SCMH1: variants seen among roughly 807,000 people sequenced by gnomAD.
SCMH1 encodes the protein Scm polycomb group protein homolog 1.
Under a neutral mutation model 70.8 loss-of-function variants are expected in SCMH1, and 37 were observed. The observed-to-expected ratio is 0.52, with a 90% CI of 0.40 to 0.69. The LOEUF (loss-of-function observed/expected upper bound fraction) is 0.69. Ranked by LOEUF, SCMH1 falls within the 30% of genes least tolerant of loss-of-function variation. The probability of loss-of-function intolerance (pLI) is 0.00; values close to 1 mark genes in which losing one functional copy is unlikely to be tolerated. For missense variants in SCMH1, 607 were observed against 827.3 expected (o/e 0.73, Z 3.27); for synonymous variants, 292 against 307.4 (o/e 0.95, Z 0.52).
Position 41,028,325 on chromosome 1 carries a change from G to A in SCMH1, c.1822-6C>T, listed in dbSNP as rs1644015634. ...AGGGCCTTGCCATCGATCTCCTGGGGGGTGGGGAGGTGGGCAGAAGTGGAA... is the reference window on the plus strand; with the variant it reads ...AGGGCCTTGCCATCGATCTCCTGGGAGGTGGGGAGGTGGGCAGAAGTGGAA... On this transcript the variant is annotated splice_polypyrimidine_tract_variant and splice_region_variant and intron_variant, in intron 14 of 14. Coordinates refer to ENST00000337495, the Ensembl canonical transcript of SCMH1. 3 of 1,613,740 alleles carry A rather than the reference G, an allele frequency of 1.9e-6. No individual in the cohort carries two copies. Among genetic ancestry groups the A allele is most frequent in the Non-Finnish European group, 2.5e-6 (3 of 1,179,748 alleles).
intron 8 of SCMH1, among the ~76,000 whole-genome samples, chr1:41,084,964 C>A (rs1661169710): frequency 9.2e-6 from 1 of 109,136 alleles, no homozygotes; most frequent in South Asian, 3.2e-4. Context: ...ATATCACACT[C>A]TGGGGACTGT....
At chr1:41,063,514 G>A (rs1381308736) in intron 10 of SCMH1, among the ~76,000 whole-genome samples, 1 of 151,848 alleles carries the variant, frequency 6.6e-6, no homozygotes, top group Non-Finnish European at 1.5e-5. Flanking sequence ...CCAAAAGCTG[G>A]TTTGTTGAAA....
chr1:41,043,549 A>G (rs2148655598), intron 12 of SCMH1: 1 of 150,252 alleles, frequency 6.7e-6, no homozygotes, highest in South Asian at 2.1e-4. Context: ...CAGCCTCCTG[A>G]GTAGCTGGGA....
At chr1:41,071,361 G>C (rs548548874) in intron 9 of SCMH1, among the ~76,000 whole-genome samples, 1 of 151,778 alleles carries the variant, frequency 6.6e-6, no homozygotes, top group African/African-American at 2.4e-5. Context: ...TCTAATCATT[G>C]TCTCTTTTAT....
intron 8 of SCMH1, among the ~76,000 whole-genome samples, chr1:41,100,037 CTG>C (rs1666143901): frequency 2.0e-5 from 3 of 152,210 alleles, no homozygotes; most frequent in East Asian, 1.9e-4. Context: ...CAAAATAAGA[CTG>C]TGTCTATAGG....
chr1:41,114,851 T>G (rs1670069900), intron 7 of SCMH1, among the ~76,000 whole-genome samples: 1 of 151,830 alleles, frequency 6.6e-6, no homozygotes, highest in Non-Finnish European at 1.5e-5. Flanking sequence ...TAATTTTTGT[T>G]ATTTTTTGTA....
At chr1:41,104,661 A>AT (rs1336904373) in intron 8 of SCMH1, among the ~76,000 whole-genome samples, 1 of 152,222 alleles carries the variant, frequency 6.6e-6, no homozygotes, top group African/African-American at 2.4e-5. Context: ...CAACATGCTC[A>AT]TATCTTTTCT....
At chr1:41,225,758 A>C (rs1660153498) in intron 1 of SCMH1, among the ~76,000 whole-genome samples, 1 of 152,240 alleles carries the variant, frequency 6.6e-6, no homozygotes, top group South Asian at 2.1e-4. Context: ...CAGGTGGTTT[A>C]AGAATAGGAT....
At chr1:41,230,111 T>G (rs1318229724) in intron 1 of SCMH1, among the ~76,000 whole-genome samples, 1 of 152,134 alleles carries the variant, frequency 6.6e-6, no homozygotes, top group Non-Finnish European at 1.5e-5. Context: ...CATTTGTATA[T>G]CCAATGCAAT....
intron 1 of SCMH1, among the ~76,000 whole-genome samples, chr1:41,207,232 G>T (rs1254786715): frequency 1.3e-5 from 2 of 152,154 alleles, no homozygotes; most frequent in Non-Finnish European, 2.9e-5. Flanking sequence ...CCAATTAAAA[G>T]ACACAGACTG....
At chr1:41,079,359 C>G (rs1346216677) in intron 8 of SCMH1, among the ~76,000 whole-genome samples, 2 of 151,814 alleles carry the variant, frequency 1.3e-5, no homozygotes, top group Non-Finnish European at 2.9e-5. Context: ...AAAAAAACCC[C>G]CAGAACTCAA....
At chr1:41,032,744 C>T (rs1286828015) in intron 13 of SCMH1, among the ~76,000 whole-genome samples, 2 of 152,078 alleles carry the variant, frequency 1.3e-5, no homozygotes, top group Non-Finnish European at 2.9e-5. Context: ...CTTTGGGAGG[C>T]CGAGGTGGGC....
chr1:41,214,295 C>T (rs188001512), intron 1 of SCMH1, among the ~76,000 whole-genome samples: 11 of 152,046 alleles, frequency 7.2e-5, no homozygotes, highest in Admixed American at 2.6e-4. Context: ...CTTGGGGTGG[C>T]GCTTTAAATA....
At chr1:41,197,065 G>A (rs757917671) in intron 1 of SCMH1, among the ~76,000 whole-genome samples, 1 of 152,158 alleles carries the variant, frequency 6.6e-6, no homozygotes, top group Non-Finnish European at 1.5e-5. Flanking sequence ...GTGAGGATAT[G>A]GGAAAATTGC....
intron 6 of SCMH1, among the ~76,000 whole-genome samples, chr1:41,130,596 T>C (rs1322391256): frequency 6.6e-6 from 1 of 152,122 alleles, no homozygotes; most frequent in Admixed American, 6.5e-5. Flanking sequence ...TTTTCTAGCA[T>C]TACTGAATTA....
At chr1:41,094,228 C>A (rs1488472054) in intron 8 of SCMH1, among the ~76,000 whole-genome samples, 2 of 152,126 alleles carry the variant, frequency 1.3e-5, no homozygotes, top group African/African-American at 4.8e-5. Flanking sequence ...GGCTTATGCC[C>A]GAGTTGCTTT....
chr1:41,186,234 T>A (rs1243013252), exon 2 of SCMH1: 1 of 706,796 alleles, frequency 1.4e-6, no homozygotes. Flanking sequence ...AGTTTCTTTG[T>A]ATGCTAATTT....
chr1:41,139,966 T>C (rs1183721807), intron 6 of SCMH1, among the ~76,000 whole-genome samples: 1 of 152,210 alleles, frequency 6.6e-6, no homozygotes, highest in Non-Finnish European at 1.5e-5. Context: ...CCTTAGTTAT[T>C]AAGTTGGTGG....
At chr1:41,070,327 C>T (rs542073944) in intron 10 of SCMH1, among the ~76,000 whole-genome samples, 3 of 152,062 alleles carry the variant, frequency 2.0e-5, no homozygotes, top group Non-Finnish European at 2.9e-5. Flanking sequence ...GAAGGAACAC[C>T]CCTAACTGGG....
Sources: allele counts gnomAD v4.1 joint callset (sites outside exome capture counted in the v4.1 genomes callset), GRCh38; gene constraint gnomAD v4.1.1; transcripts MANE v1.5; gene names NCBI Gene and HGNC (gene_info 2026-07-23, HGNC 2026-07-21).